The following BACH2 variants were observed in gnomAD, a reference collection of about 807,000 sequenced individuals.
The protein encoded by BACH2 is transcription regulator protein BACH2.
In BACH2, 5 loss-of-function variants were observed where a neutral mutation model predicts 61.8. The observed-to-expected ratio is 0.08, with a 90% CI of 0.04 to 0.17. The LOEUF (loss-of-function observed/expected upper bound fraction) is 0.17, where lower values mean the gene tolerates loss of function less well. BACH2 is among the 10% of genes least tolerant of loss of function. The pLI is 1.00. For synonymous variants in BACH2, 446 were observed against 440.1 expected (o/e 1.01, Z -0.17); for missense variants, 824 against 1,091.1 (o/e 0.76, Z 3.45).
chr6:90,223,434 T>A (rs1769808031), intron 3 of BACH2, among the ~76,000 whole-genome samples: 1 of 152,108 alleles, frequency 6.6e-6, no homozygotes, highest in South Asian at 2.1e-4. Context: ...ATGGCACTTG[T>A]GAGATGGAGT....
chr6:90,047,306 A>C (rs1263543399), intron 5 of BACH2, among the ~76,000 whole-genome samples: 1 of 152,182 alleles, frequency 6.6e-6, no homozygotes, highest in Non-Finnish European at 1.5e-5. Flanking sequence ...GCAGGGGCCT[A>C]TAATGTAACT....
chr6:89,998,626 G>A lies in BACH2; in HGVS notation c.243+9976C>T, dbSNP rs150329010. On this transcript the variant is annotated intron_variant, in intron 6 of 8. Transcript: ENST00000257749. ...AAACAAGAAAATAAAAGTATTAACT[G>A]ATTAGTGCCCACAATTTTATTCTAT... Among the ~76,000 whole-genome samples the A allele has an allele frequency of 1.7e-3, 254 of 152,058 alleles. 1 individual carries two copies. The highest frequency in any genetic ancestry group is 6.0e-3 in the African/African-American group (247 of 41,494).
At chr6:90,167,343 C>T (rs770958884) in intron 4 of BACH2, among the ~76,000 whole-genome samples, 1 of 152,034 alleles carries the variant, frequency 6.6e-6, no homozygotes, top group Non-Finnish European at 1.5e-5. Context: ...TTGCTATCAG[C>T]TACCTCCTTT....
chr6:89,969,860 A>C (rs977902777), intron 6 of BACH2, among the ~76,000 whole-genome samples: 1 of 152,188 alleles, frequency 6.6e-6, no homozygotes, highest in Non-Finnish European at 1.5e-5. Flanking sequence ...AAAAGACTGC[A>C]AGCTGGCTTG....
intron 3 of BACH2, among the ~76,000 whole-genome samples, chr6:90,218,920 C>CGTGT (rs3221352): frequency 0.064 from 8,951 of 140,376 alleles, 453 homozygotes; most frequent in African/African-American, 0.13. Context: ...GTTTCCTTTC[C>CGTGT]GTGTGTGTGT....
At chr6:90,256,700 T>TATC (rs2127873188) in intron 2 of BACH2, among the ~76,000 whole-genome samples, 1 of 152,360 alleles carries the variant, frequency 6.6e-6, no homozygotes, top group Admixed American at 6.5e-5. Context: ...AGTAAAAAGG[T>TATC]TACTGTAGTG....
intron 1 of BACH2, 150 bp downstream of exon 1, chr6:90,296,330 G>T (rs953064923): frequency 6.6e-6 from 1 of 151,316 alleles, no homozygotes; most frequent in Admixed American, 6.6e-5. Flanking sequence ...CAGGGCGCGG[G>T]GAGGGCGGCT....
At chr6:90,282,714 C>G (rs944010817) in intron 1 of BACH2, among the ~76,000 whole-genome samples, 11 of 152,062 alleles carry the variant, frequency 7.2e-5, no homozygotes, top group Middle Eastern at 3.4e-3. Flanking sequence ...GGACTTTGAG[C>G]AATCATCACA....
chr6:90,115,982 G>A (rs1003833290), intron 4 of BACH2, among the ~76,000 whole-genome samples: 3 of 152,122 alleles, frequency 2.0e-5, no homozygotes, highest in Non-Finnish European at 4.4e-5. Context: ...ACACCAGTCA[G>A]AATGGTTGTT....
intron 3 of BACH2, among the ~76,000 whole-genome samples, chr6:90,222,208 G>A (rs1769758626): frequency 6.6e-6 from 1 of 152,152 alleles, no homozygotes; most frequent in African/African-American, 2.4e-5. Flanking sequence ...TGTGGCTAGT[G>A]ACTATTATAT....
At chr6:90,232,213 T>C (rs1770122577) in intron 3 of BACH2, among the ~76,000 whole-genome samples, 1 of 152,204 alleles carries the variant, frequency 6.6e-6, no homozygotes, top group African/African-American at 2.4e-5. Context: ...ATCTTAGGTA[T>C]AATGGGGTCA....
chr6:90,071,729 T>C (rs1346327458), intron 5 of BACH2, among the ~76,000 whole-genome samples: 1 of 152,212 alleles, frequency 6.6e-6, no homozygotes, highest in African/African-American at 2.4e-5. Flanking sequence ...TTCTGACTCT[T>C]CCAAAACTTA....
intron 3 of BACH2, among the ~76,000 whole-genome samples, chr6:90,246,230 T>A (rs1010715091): frequency 8.5e-5 from 13 of 152,178 alleles, no homozygotes; most frequent in African/African-American, 3.1e-4. Context: ...CTTTAAATAA[T>A]CTTCACAAAA....
intron 2 of BACH2, among the ~76,000 whole-genome samples, chr6:90,270,163 G>T (rs141251049): frequency 6.6e-6 from 1 of 152,058 alleles, no homozygotes; most frequent in South Asian, 2.1e-4. Flanking sequence ...CCATATTTTT[G>T]AAATTGCGAA....
At chr6:90,028,996 C>T (rs1366624999) in intron 5 of BACH2, among the ~76,000 whole-genome samples, 1 of 152,186 alleles carries the variant, frequency 6.6e-6, no homozygotes, top group Non-Finnish European at 1.5e-5. Context: ...CAAATTAGCT[C>T]CTCTTTTCCA....
intron 2 of BACH2, among the ~76,000 whole-genome samples, chr6:90,270,674 T>A (rs990278779): frequency 2.6e-5 from 4 of 152,148 alleles, no homozygotes; most frequent in African/African-American, 9.7e-5. Flanking sequence ...ACAGATTCAA[T>A]GCAATTCCCA....
At chr6:90,014,468 ATT>A (rs1164045089) in intron 5 of BACH2, among the ~76,000 whole-genome samples, 43 of 32,276 alleles carry the variant, frequency 1.3e-3, no homozygotes, top group South Asian at 3.1e-3. Context: ...ATATATATAT[ATT>A]TTTTTTTTTT....
At chr6:90,071,973 G>T (rs1421597415) in intron 5 of BACH2, among the ~76,000 whole-genome samples, 1 of 152,106 alleles carries the variant, frequency 6.6e-6, no homozygotes, top group African/African-American at 2.4e-5. Flanking sequence ...AGAGGGATTG[G>T]TCTTGCTGTC....
intron 4 of BACH2, among the ~76,000 whole-genome samples, chr6:90,151,412 G>A (rs1264892466): frequency 6.6e-6 from 1 of 152,098 alleles, no homozygotes; most frequent in Admixed American, 6.5e-5. Flanking sequence ...AGTCTCCTGA[G>A]TAGCTTGTAC....
Sources: gnomAD v4.1 joint callset for allele counts (sites outside exome capture counted in the v4.1 genomes callset) on GRCh38, gnomAD v4.1.1 for gene constraint, MANE v1.5 for transcripts, NCBI Gene and HGNC (gene_info 2026-07-23, HGNC 2026-07-21) for gene names.